Variants in TRAPPC9 observed in about 807,000 individuals in gnomAD.
TRAPPC9 encodes the protein IKK2 binding protein.
A neutral mutation model predicts 124.0 loss-of-function variants in TRAPPC9; 83 were observed. That is an observed-to-expected ratio of 0.67 (90% CI 0.56 to 0.80). The LOEUF is 0.80. Among genes scored for constraint, TRAPPC9 ranks in the 30% least tolerant of loss-of-function variants. TRAPPC9 has a pLI of 0.00. For missense variants in TRAPPC9, 1,302 were observed against 1,508.3 expected (o/e 0.86, Z 2.27); for synonymous variants, 638 against 617.5 (o/e 1.03, Z -0.49).
chr8:139,852,621 A>G (rs750976633), intron 21 of TRAPPC9, among the ~76,000 whole-genome samples: 17 of 152,232 alleles, frequency 1.1e-4, no homozygotes, highest in Non-Finnish European at 2.1e-4. Context: ...AATGGTAATG[A>G]TTCTCAATAT....
chr8:140,106,718 C>A (rs1018631174), intron 17 of TRAPPC9, among the ~76,000 whole-genome samples: 3 of 152,086 alleles, frequency 2.0e-5, no homozygotes, highest in African/African-American at 7.2e-5. Context: ...GACTCAAATT[C>A]TTCCCACGAA....
chr8:139,791,895 C>T (rs554602081), intron 21 of TRAPPC9, among the ~76,000 whole-genome samples: 12 of 152,288 alleles, frequency 7.9e-5, no homozygotes, highest in African/African-American at 2.2e-4. Context: ...CTCTGCAGCG[C>T]GCGTGGGGTG....
chr8:139,833,349 A>C (rs1233111792), intron 21 of TRAPPC9, among the ~76,000 whole-genome samples: 2 of 152,180 alleles, frequency 1.3e-5, no homozygotes, highest in Non-Finnish European at 2.9e-5. Flanking sequence ...CAGTTTCTCC[A>C]GAGAATGTCC....
intron 16 of TRAPPC9, among the ~76,000 whole-genome samples, chr8:140,224,352 G>C (rs1286454819): frequency 6.6e-6 from 1 of 152,210 alleles, no homozygotes; most frequent in East Asian, 1.9e-4. Context: ...CTAGCAGAGG[G>C]GGAAAGACAG....
intron 21 of TRAPPC9, among the ~76,000 whole-genome samples, chr8:139,813,616 G>A (rs546481629): frequency 6.6e-6 from 1 of 152,244 alleles, no homozygotes; most frequent in East Asian, 1.9e-4. Flanking sequence ...CATGAGGCCT[G>A]AAGAGCTGCC....
chr8:139,844,531 G>A (rs931519353), intron 21 of TRAPPC9, among the ~76,000 whole-genome samples: 12 of 152,246 alleles, frequency 7.9e-5, no homozygotes, highest in African/African-American at 2.9e-4. Context: ...TGCAGGGCGG[G>A]CAGTGGGTGA....
In TRAPPC9 at chr8:140,451,123, G is replaced by A. The variant is rs760764762; in HGVS notation, c.251C>T (p.Thr84Ile). The change falls in exon 2 of 23, where the codon ACA (threonine) becomes ATA (isoleucine). Residue 84 changes from threonine (T) to isoleucine (I), a missense_variant. Around this residue, in one of 3 missense-constraint regions of TRAPPC9, gnomAD observed 657 missense variants for 811.2 expected, o/e 0.81. Coordinates refer to ENST00000438773, the MANE Select transcript of TRAPPC9 (RefSeq NM_001160372.4). The stretch of plus-strand genomic sequence containing the variant: ...CCAGTCCTTGGCCGAGAAGCAGTCT[G>A]TGATGGTGATGAGGCCCACGACTTT... Reference protein sequence around the residue: ...HRKVVGLITITDCFSAKDWPQ... With the variant: ...HRKVVGLITIIDCFSAKDWPQ... 6.2e-7 allele frequency: 1 copy of A among 1,614,132 alleles called. No homozygotes were observed. The highest frequency in any genetic ancestry group is 1.7e-5 in the Admixed American group (1 of 60,024).
intron 17 of TRAPPC9, among the ~76,000 whole-genome samples, chr8:140,031,369 C>G (rs1439599652): frequency 6.6e-6 from 1 of 152,140 alleles, no homozygotes; most frequent in African/African-American, 2.4e-5. Flanking sequence ...TCTTTATTTT[C>G]CTAACGTTCC....
chr8:140,065,661 G>A (rs754161838), intron 17 of TRAPPC9, among the ~76,000 whole-genome samples: 1 of 152,212 alleles, frequency 6.6e-6, no homozygotes, highest in African/African-American at 2.4e-5. Flanking sequence ...GGATGACAGC[G>A]CATCTGTTTA....
chr8:139,933,522 C>T (rs1833328325), intron 19 of TRAPPC9: 1 of 152,324 alleles, frequency 6.6e-6, no homozygotes, highest in Non-Finnish European at 1.5e-5. Context: ...ACCACAGGGC[C>T]AGCGTCTTGA....
At position 140,157,272 on chromosome 8, in the gene TRAPPC9, CT is replaced by C. The variant is rs66861317; in HGVS notation, c.2556+64186del. 8.4e-3 allele frequency among the ~76,000 whole-genome samples: 124 copies of C among 14,710 alleles called. 10 individuals are homozygous for C. Among genetic ancestry groups the C allele is most frequent in the South Asian group, 0.028 (8 of 290 alleles). The allele number at this position is 14,710 out of a possible 152,430, so 9.7% of individuals were successfully genotyped here. A position where few individuals can be genotyped will look rare whatever the true frequency, so the allele number is the denominator to read the frequency against. ...CTCCCTTTTCCATTCAAAAGCCTCC[CT>C]TTTCCATTCAAAAGCCTCCCTTTTC... On this transcript the variant is annotated intron_variant, in intron 17 of 22. Coordinates refer to ENST00000438773, the MANE Select transcript of TRAPPC9 (RefSeq NM_001160372.4).
At position 139,755,283 on chromosome 8, in the gene TRAPPC9, C is replaced by T. The variant is rs180683959; in HGVS notation, c.3056-23081G>A. On this transcript the variant is annotated intron_variant, in intron 21 of 22. Transcript: ENST00000438773. ...GGGTTTGGGGATGAGGACAGCGTGTCGCAGGAGGAGCCAGGGATTGGGGAT... is the reference window on the plus strand; with the variant it reads ...GGGTTTGGGGATGAGGACAGCGTGTTGCAGGAGGAGCCAGGGATTGGGGAT... Among the ~76,000 whole-genome samples the T allele has an allele frequency of 3.1e-4, 46 of 150,776 alleles. No individual in the cohort carries two copies. The East Asian group carries it at 7.6e-3, about 25-fold the overall frequency.
At chr8:139,921,197 G>A (rs116793642) in intron 19 of TRAPPC9, among the ~76,000 whole-genome samples, 63 of 152,252 alleles carry the variant, frequency 4.1e-4, no homozygotes, top group African/African-American at 1.2e-3. Context: ...CATACCACGC[G>A]ACTCCTCCCG....
chr8:140,263,208 A>C (rs1432371115), intron 15 of TRAPPC9, among the ~76,000 whole-genome samples: 1 of 152,120 alleles, frequency 6.6e-6, no homozygotes, highest in African/African-American at 2.4e-5. Flanking sequence ...CAACCACTCC[A>C]AAAAAGAGCA....
intron 21 of TRAPPC9, among the ~76,000 whole-genome samples, chr8:139,769,643 C>G (rs891268767): frequency 6.6e-5 from 10 of 152,072 alleles, no homozygotes; most frequent in Non-Finnish European, 5.9e-5. Context: ...AATGCAAACA[C>G]AGAATACAAA....
intron 21 of TRAPPC9, among the ~76,000 whole-genome samples, chr8:139,799,146 G>C (rs930287246): frequency 3.3e-4 from 51 of 152,300 alleles, no homozygotes; most frequent in African/African-American, 1.1e-3. Flanking sequence ...GGCCTGGTGG[G>C]AGGTAATAGG....
chr8:140,062,849 G>A lies in TRAPPC9; in HGVS notation c.2557-38770C>T, dbSNP rs550610864. Among the ~76,000 whole-genome samples the A allele has an allele frequency of 5.9e-5, 9 of 152,248 alleles. No homozygotes were observed. The South Asian group carries it at 8.3e-4, about 14-fold the overall frequency. On this transcript the variant is annotated intron_variant, in intron 17 of 22. Transcript: ENST00000438773. ...TGGCCCCAGAGCCACCCAGCACCCC[G>A]ACTATCACACACTACTTCTCAGTAG...
chr8:139,827,892 G>A (rs1404968912), intron 21 of TRAPPC9, among the ~76,000 whole-genome samples: 1 of 152,222 alleles, frequency 6.6e-6, no homozygotes, highest in East Asian at 1.9e-4. Context: ...CAAAGTGGGA[G>A]CAGGCGTGTC....
chr8:140,272,066 G>A, intron 15 of TRAPPC9, among the ~76,000 whole-genome samples: 3 of 151,620 alleles, frequency 2.0e-5, no homozygotes, highest in Non-Finnish European at 2.9e-5. Context: ...TGGTAGTGAT[G>A]GTGATGATGG....
Sources: allele counts gnomAD v4.1 joint callset (sites outside exome capture counted in the v4.1 genomes callset), GRCh38; gene constraint gnomAD v4.1.1; regional missense constraint gnomAD v4.1.1; transcripts MANE v1.5; gene names NCBI Gene and HGNC (gene_info 2026-07-23, HGNC 2026-07-21).